Variants in SLC2A13 observed in about 807,000 individuals in gnomAD.
SLC2A13 encodes proton myo-inositol cotransporter.
A neutral mutation model predicts 64.4 loss-of-function variants in SLC2A13; 32 were observed. The observed-to-expected ratio is 0.50, with a 90% confidence interval of 0.37 to 0.67. The LOEUF (loss-of-function observed/expected upper bound fraction) is 0.67, where lower values mean the gene tolerates loss of function less well. Ranked by LOEUF, SLC2A13 falls within the 30% of genes least tolerant of loss-of-function variation. The pLI is 0.00. For synonymous variants in SLC2A13, 338 were observed against 327.1 expected, an observed-to-expected ratio of 1.03 and a Z score of -0.36; for missense variants, 743 against 829.2, an observed-to-expected ratio of 0.90 and a Z score of 1.28.
intron 3 of SLC2A13, among the ~76,000 whole-genome samples, chr12:39,971,749 C>A (rs1174681242): frequency 6.6e-6 from 1 of 151,734 alleles, no homozygotes; most frequent in African/African-American, 2.4e-5. Flanking sequence ...CCGAGGTGGG[C>A]AGATCACCTG....
intron 1 of SLC2A13, among the ~76,000 whole-genome samples, chr12:40,090,762 CT>C (rs1465192588): frequency 6.6e-6 from 1 of 152,004 alleles, no homozygotes; most frequent in Non-Finnish European, 1.5e-5. Flanking sequence ...GGTTATAAAC[CT>C]TTTTTTAAAC....
intron 3 of SLC2A13, among the ~76,000 whole-genome samples, chr12:39,977,036 A>G (rs1219483678): frequency 6.6e-6 from 1 of 152,214 alleles, no homozygotes; most frequent in Non-Finnish European, 1.5e-5. Flanking sequence ...ACGTACTTTA[A>G]GCTAAATGAC....
intron 4 of SLC2A13, among the ~76,000 whole-genome samples, chr12:39,899,248 G>C (rs1259528081): frequency 2.0e-5 from 3 of 152,180 alleles, no homozygotes; most frequent in Admixed American, 6.5e-5. Context: ...ATTTCTTCTA[G>C]ATTTTCTAGT....
chr12:40,036,408 A>C (rs1947985011), intron 2 of SLC2A13, among the ~76,000 whole-genome samples: 2 of 152,170 alleles, frequency 1.3e-5, no homozygotes, highest in Admixed American at 1.3e-4. Flanking sequence ...CCTTGTAAAC[A>C]CTATCTCAAT....
At chr12:40,028,140 T>C (rs193206781) in intron 3 of SLC2A13, among the ~76,000 whole-genome samples, 161 bp downstream of exon 3, 1 of 152,054 alleles carries the variant, frequency 6.6e-6, no homozygotes, top group Admixed American at 6.5e-5. Context: ...ATAATACATA[T>C]ATAATTTTAT....
At chr12:39,906,635 C>T (rs898319409) in intron 4 of SLC2A13, among the ~76,000 whole-genome samples, 1 of 152,078 alleles carries the variant, frequency 6.6e-6, no homozygotes, top group Non-Finnish European at 1.5e-5. Flanking sequence ...TTGTATGTTT[C>T]CAGGCAACCA....
chr12:39,978,166 A>G (rs1165126113), intron 3 of SLC2A13, among the ~76,000 whole-genome samples: 1 of 152,212 alleles, frequency 6.6e-6, no homozygotes, highest in Non-Finnish European at 1.5e-5. Context: ...TCTCAAGGCA[A>G]TTCTAATAAA....
chr12:39,821,768 A>G (rs914933409), intron 7 of SLC2A13, among the ~76,000 whole-genome samples: 4 of 152,344 alleles, frequency 2.6e-5, no homozygotes, highest in African/African-American at 9.6e-5. Flanking sequence ...TTCCTTGGCC[A>G]GAACAGCTCA....
At chr12:40,031,556 T>A (rs1211115440) in intron 2 of SLC2A13, among the ~76,000 whole-genome samples, 1 of 152,176 alleles carries the variant, frequency 6.6e-6, no homozygotes, top group African/African-American at 2.4e-5. Context: ...GGTGACAGTA[T>A]CTATTTCATA....
chr12:39,950,970 T>C (rs558269279), intron 4 of SLC2A13: 4 of 382,502 alleles, frequency 1.0e-5, no homozygotes, highest in African/African-American at 8.3e-5. Context: ...TTAGAAAAAA[T>C]GACACATTTA....
chr12:40,046,232 A>C (rs1948169435), intron 2 of SLC2A13, among the ~76,000 whole-genome samples: 1 of 152,246 alleles, frequency 6.6e-6, no homozygotes, highest in Non-Finnish European at 1.5e-5. Flanking sequence ...GGTAAAAAAC[A>C]GATTTGAATC....
intron 3 of SLC2A13, among the ~76,000 whole-genome samples, chr12:39,967,786 A>G (rs28370714): frequency 0.018 from 2,785 of 152,276 alleles, 84 homozygotes; most frequent in African/African-American, 0.063. Context: ...GGAGAAGAGA[A>G]AGAAATACAC....
intron 7 of SLC2A13, among the ~76,000 whole-genome samples, chr12:39,806,352 C>G (rs887420249): frequency 6.6e-6 from 1 of 152,112 alleles, no homozygotes; most frequent in Non-Finnish European, 1.5e-5. Flanking sequence ...TCTAACTGAC[C>G]CTAGGTGCCT....
chr12:39,866,455 T>G (rs939069392), intron 5 of SLC2A13, among the ~76,000 whole-genome samples: 1 of 152,214 alleles, frequency 6.6e-6, no homozygotes, highest in Admixed American at 6.5e-5. Context: ...GGGCTTACAG[T>G]GAATTTTAAA....
chr12:40,063,304 A>C (rs148605476), intron 1 of SLC2A13, among the ~76,000 whole-genome samples: 1 of 152,154 alleles, frequency 6.6e-6, no homozygotes, highest in South Asian at 2.1e-4. Flanking sequence ...AACCAGTTAC[A>C]GGACTACTTT....
chr12:39,968,672 A>C (rs1054193287), intron 3 of SLC2A13, among the ~76,000 whole-genome samples: 1 of 151,680 alleles, frequency 6.6e-6, no homozygotes, highest in Non-Finnish European at 1.5e-5. Flanking sequence ...ACATTCCTTG[A>C]AAGAAGAGGT....
chr12:39,918,024 C>T (rs193103915), intron 4 of SLC2A13, among the ~76,000 whole-genome samples: 2 of 152,090 alleles, frequency 1.3e-5, no homozygotes, highest in Admixed American at 1.3e-4. Flanking sequence ...AGGAAATGTG[C>T]ATACAAACAA....
chr12:39,814,116 A>ATAAT (rs1320796619), intron 7 of SLC2A13, among the ~76,000 whole-genome samples: 6 of 152,194 alleles, frequency 3.9e-5, no homozygotes, highest in Non-Finnish European at 7.3e-5. Flanking sequence ...TTTCTTTGTG[A>ATAAT]TAATTAAGAA....
In SLC2A13 at chr12:39,756,315, C is replaced by T. The variant is rs570284593; in HGVS notation, c.*3711G>A. 3 of 151,854 alleles carry T rather than the reference C, an allele frequency of 2.0e-5. No individual in the cohort carries two copies. Among genetic ancestry groups the T allele is most frequent in the Admixed American group, 6.6e-5 (1 of 15,200 alleles). 9.4% of individuals were successfully genotyped at this position (151,854 alleles called of 1,614,324 possible). On this transcript the variant is annotated 3_prime_UTR_variant, in exon 10 of 10. Coordinates refer to ENST00000280871, the MANE Select transcript of SLC2A13 (RefSeq NM_052885.4). ...GATATAATCATCTATTTCTTTTACT[C>T]ATAGATACTGAAAAGGTCTTAATTT...
Sources: gnomAD v4.1 joint callset for allele counts (sites outside exome capture counted in the v4.1 genomes callset) on GRCh38, gnomAD v4.1.1 for gene constraint, MANE v1.5 for transcripts, NCBI Gene and HGNC (gene_info 2026-07-23, HGNC 2026-07-21) for gene names.